The following CADPS variants were observed in gnomAD, a reference collection of about 807,000 sequenced individuals.
CADPS encodes calcium dependent secretion activator.
A neutral mutation model predicts 167.3 loss-of-function variants in CADPS; 57 were observed. That is an observed-to-expected ratio of 0.34 (90% CI 0.28 to 0.42). The LOEUF is 0.42. Ranked by LOEUF, CADPS falls within the 20% of genes least tolerant of loss-of-function variation. The pLI is 1.00. For missense variants in CADPS, 1,414 were observed against 1,738.1 expected (o/e 0.81, Z 3.32); for synonymous variants, 676 against 635.3 (o/e 1.06, Z -0.96).
chr3:62,605,520 A>G (rs1285464036), intron 6 of CADPS, among the ~76,000 whole-genome samples: 3 of 152,202 alleles, frequency 2.0e-5, no homozygotes, highest in Non-Finnish European at 2.9e-5. Context: ...GCTCCCAATT[A>G]AGTGGGAGAA....
At chr3:62,550,590 A>G (rs2077167299) in intron 10 of CADPS, among the ~76,000 whole-genome samples, 1 of 152,078 alleles carries the variant, frequency 6.6e-6, no homozygotes, top group African/African-American at 2.4e-5. Flanking sequence ...CTGATTCAGT[A>G]CGTCCGGAAC....
chr3:62,806,655 C>A (rs142104255), intron 1 of CADPS, among the ~76,000 whole-genome samples: 1 of 152,078 alleles, frequency 6.6e-6, no homozygotes, highest in Admixed American at 6.5e-5. Context: ...AATTAGGTAA[C>A]GTATTTAAGG....
At position 62,858,157 on chromosome 3, in the gene CADPS, G is replaced by A. The variant is rs558347691; in HGVS notation, c.441+16432C>T. Among the ~76,000 whole-genome samples, 9 of 152,254 alleles carry A rather than the reference G, an allele frequency of 5.9e-5. No homozygotes were observed. In the East Asian group the frequency reaches 1.7e-3, roughly 29 times the overall value. The stretch of plus-strand genomic sequence containing the variant: ...AACAAGAAAATTTACTATTTTATTG[G>A]AAGTCCAGATGAAAGGTGGGCTCCA... On this transcript the variant is annotated intron_variant, in intron 1 of 29. Coordinates refer to ENST00000383710, the MANE Select transcript of CADPS (RefSeq NM_003716.4).
intron 3 of CADPS, among the ~76,000 whole-genome samples, chr3:62,671,941 A>G (rs2075591135): frequency 6.6e-6 from 1 of 151,806 alleles, no homozygotes; most frequent in Non-Finnish European, 1.5e-5. Flanking sequence ...TTTTTAATTT[A>G]TTTTAATTTT....
intron 11 of CADPS, among the ~76,000 whole-genome samples, chr3:62,542,381 T>G (rs1479092894): frequency 6.6e-6 from 1 of 152,128 alleles, no homozygotes; most frequent in Non-Finnish European, 1.5e-5. Flanking sequence ...ATGTATGGTT[T>G]GGACAATAAC....
At chr3:62,497,477 T>C (rs1183218372) in intron 18 of CADPS, among the ~76,000 whole-genome samples, 3 of 152,156 alleles carry the variant, frequency 2.0e-5, no homozygotes, top group South Asian at 2.1e-4. Context: ...ACACTTACCA[T>C]CGCCGGAACC....
chr3:62,621,713 T>G (rs1336128132), intron 6 of CADPS, among the ~76,000 whole-genome samples: 1 of 151,976 alleles, frequency 6.6e-6, no homozygotes, highest in Non-Finnish European at 1.5e-5. Context: ...ACCCTTTAGT[T>G]ATTTTTTCTG....
intron 29 of CADPS, among the ~76,000 whole-genome samples, chr3:62,401,976 C>T (rs577743394): frequency 4.6e-5 from 7 of 152,192 alleles, no homozygotes; most frequent in Non-Finnish European, 7.3e-5. Context: ...GACCACTTGA[C>T]GATTGAGCTG....
chr3:62,512,516 C>A (rs2068068607), intron 17 of CADPS, among the ~76,000 whole-genome samples: 1 of 152,114 alleles, frequency 6.6e-6, no homozygotes, highest in Non-Finnish European at 1.5e-5. Context: ...CTGCAGCAAA[C>A]CAGAATTCTA....
chr3:62,830,668 T>C (rs2074917010), intron 1 of CADPS, among the ~76,000 whole-genome samples: 1 of 152,144 alleles, frequency 6.6e-6, no homozygotes, highest in Non-Finnish European at 1.5e-5. Flanking sequence ...CAGACCTGAC[T>C]TAAGAAATCT....
intron 16 of CADPS, chr3:62,513,622 G>C (rs746937626): frequency 6.7e-7 from 1 of 1,500,874 alleles, no homozygotes; most frequent in Non-Finnish European, 9.2e-7. Flanking sequence ...ATGGTGAGGA[G>C]GTGGTAGGTA....
rs1039029755 is a variant in CADPS, at chr3:62,465,636, C to T, written c.3553-186G>A. On this transcript the variant is annotated intron_variant, in intron 25 of 29. Coordinates refer to ENST00000383710, the MANE Select transcript of CADPS (RefSeq NM_003716.4). This position sits in a 1 kb window ranked among gnomAD's most constrained non-coding sequence, Gnocchi z 4.1. ...TTTACATAGAAATATTTGACTTATC[C>T]GGCTTTCTCTTCATTATTATGTGAT... is the stretch of plus-strand genomic sequence containing the variant. Among the ~76,000 whole-genome samples, 5 of 152,120 alleles carry T rather than the reference C, an allele frequency of 3.3e-5. No homozygotes were observed. The highest frequency in any genetic ancestry group is 5.9e-5 in the Non-Finnish European group (4 of 68,020).
chr3:62,637,550 C>T (rs2066542923), intron 6 of CADPS, among the ~76,000 whole-genome samples: 2 of 152,332 alleles, frequency 1.3e-5, no homozygotes, highest in South Asian at 4.1e-4. Context: ...AACACCTGTG[C>T]TGGTGTGTGC....
chr3:62,851,191 T>A (rs2078504683), intron 1 of CADPS, among the ~76,000 whole-genome samples: 1 of 141,850 alleles, frequency 7.0e-6, no homozygotes, highest in Non-Finnish European at 1.5e-5. Flanking sequence ...ATGGGTTTCC[T>A]GAATACAGCA....
rs1316039255 is a variant in CADPS at position 62,550,016 on chromosome 3, G to T, written c.1853C>A (p.Ala618Asp). ...DEQDRILWVQ[A>D]MYRATGQSHK... Reference sequence around the variant, plus strand: ...TGACTGCCCCGTGGCCCGATACATGGCCTGGACCCACAGGATGCGGTCTTG... The same window carrying T: ...TGACTGCCCCGTGGCCCGATACATGTCCTGGACCCACAGGATGCGGTCTTG... Residue 618 changes from alanine (A) to aspartate (D), a missense_variant, in exon 11 of 30, where the codon GCC becomes GAC. Around this residue, in one of 6 missense-constraint regions of CADPS, gnomAD observed 529 missense variants for 629.6 expected, o/e 0.84. Coordinates refer to ENST00000383710, the MANE Select transcript of CADPS (RefSeq NM_003716.4). The T allele has an allele frequency of 1.2e-6, 2 of 1,614,086 alleles. No homozygotes were observed. The highest frequency in any genetic ancestry group is 4.5e-5 in the East Asian group (2 of 44,872).
At chr3:62,868,611 C>A (rs1437675457) in intron 1 of CADPS, among the ~76,000 whole-genome samples, 1 of 152,128 alleles carries the variant, frequency 6.6e-6, no homozygotes, top group East Asian at 1.9e-4. Flanking sequence ...TTTCAGCCCA[C>A]AGGCCACAGT....
intron 26 of CADPS, among the ~76,000 whole-genome samples, chr3:62,457,148 AAT>A: frequency 6.6e-6 from 1 of 152,308 alleles, no homozygotes; most frequent in South Asian, 2.1e-4. Context: ...GAACTACACT[AAT>A]AATTACAATA....
chr3:62,677,037 C>T (rs963219184), intron 3 of CADPS, among the ~76,000 whole-genome samples: 1 of 152,112 alleles, frequency 6.6e-6, no homozygotes, highest in African/African-American at 2.4e-5. Context: ...CCAACAGGCA[C>T]TGGCAATTTA....
At chr3:62,496,073 C>CTTTT (rs56913608) in intron 18 of CADPS, among the ~76,000 whole-genome samples, 125 of 140,624 alleles carry the variant, frequency 8.9e-4, no homozygotes, top group African/African-American at 3.1e-3. Context: ...CTTTTCTTTT[C>CTTTT]TTTTTTTTTT....
Sources: gnomAD v4.1 joint callset for allele counts (sites outside exome capture counted in the v4.1 genomes callset) on GRCh38, gnomAD v4.1.1 for gene constraint, gnomAD v4.1.1 regional missense constraint, Gnocchi (gnomAD v3.1) non-coding constraint, MANE v1.5 for transcripts, NCBI Gene and HGNC (gene_info 2026-07-23, HGNC 2026-07-21) for gene names.